BRD8: variants seen among roughly 807,000 people sequenced by gnomAD.
BRD8 encodes the protein bromodomain-containing protein 8.
In BRD8, 67 loss-of-function variants were observed where a neutral mutation model predicts 143.1. The observed-to-expected ratio is 0.47, with a 90% confidence interval of 0.38 to 0.57. BRD8 has a LOEUF of 0.57. Ranked by LOEUF, BRD8 falls within the 20% of genes least tolerant of loss-of-function variation. The pLI, the probability that BRD8 is intolerant of heterozygous loss-of-function variation, is 0.00. For synonymous variants in BRD8, 505 were observed against 517.1 expected (o/e 0.98, Z 0.32); for missense variants, 1,103 against 1,503.0 (o/e 0.73, Z 4.40).
intron 25 of BRD8, 78 bp from the exon 26 acceptor site, chr5:138,140,960 G>C: frequency 7.0e-7 from 1 of 1,438,052 alleles, no homozygotes. Context: ...TTCTCTTGAA[G>C]AACTAACCAG....
rs1561626116 is a variant in BRD8 at position 138,178,601 on chromosome 5, G to C, written c.14C>G (p.Thr5Arg). ...AAACCTGCTCAGATACTCACTGCCC[G>C]TTCCCGTCGCCATCTTGGCCCCGAA... MATG[T>R]GKHKLLSTGP... is the part of the protein sequence containing the mutation. The change falls in exon 1 of 27, where the codon ACG becomes AGG. Residue 5 changes from threonine to arginine, a missense_variant. Coordinates refer to ENST00000254900, the MANE Select transcript of BRD8 (RefSeq NM_139199.2). 1.9e-6 allele frequency: 3 copies of C among 1,613,754 alleles called. No individual in the cohort carries two copies. Among genetic ancestry groups the C allele is most frequent in the Non-Finnish European group, 2.5e-6 (3 of 1,179,710 alleles).
chr5:138,168,000 G>T lies in BRD8; in HGVS notation c.721C>A (p.Pro241Thr). 6.2e-7 allele frequency: 1 copy of T among 1,613,258 alleles called. No individual in the cohort carries two copies. Among genetic ancestry groups the T allele is most frequent in the Non-Finnish European group, 8.5e-7 (1 of 1,179,186 alleles). ...TGTATCTCCCCACCATGTATCATGG[G>T]AAGGACCCCGCCTACCTCCAGGAGG... ...GVLLEVGGVLPMIHGGEIQQT... is the reference protein window; with the variant it reads ...GVLLEVGGVLTMIHGGEIQQT... The change falls in exon 9 of 27, where the codon CCC (proline) becomes ACC (threonine). Residue 241 changes from proline to threonine, a missense_variant. Around this residue, in one of 7 missense-constraint regions of BRD8, gnomAD observed 334 missense variants for 372.5 expected, o/e 0.90. Transcript: ENST00000254900.
chr5:138,175,186 A>T (rs182017507), intron 2 of BRD8, among the ~76,000 whole-genome samples: 1 of 152,276 alleles, frequency 6.6e-6, no homozygotes. Flanking sequence ...GCCCGGCCTT[A>T]AACTTAAGTT....
intron 20 of BRD8, chr5:138,157,182 G>A (rs1189268761): frequency 1.2e-5 from 20 of 1,611,570 alleles, no homozygotes; most frequent in South Asian, 3.3e-5. Context: ...TTTTAGGTTC[G>A]GCTCAAAGAG....
intron 23 of BRD8, 122 bp downstream of exon 23, chr5:138,149,518 A>G: frequency 2.6e-6 from 2 of 782,094 alleles, no homozygotes; most frequent in Non-Finnish European, 3.8e-6. Context: ...TTAATTAATT[A>G]TATTTTTTGT....
In BRD8 at chr5:138,168,545, T is replaced by C. The variant is rs762420905; in HGVS notation, c.643-467A>G. Reference sequence around the variant, plus strand: ...GCAGAGGGGAGGGGGGTGGAGTTGCTTTCTGTCCAAGCATCTTTTTCTGGG... The same window carrying C: ...GCAGAGGGGAGGGGGGTGGAGTTGCCTTCTGTCCAAGCATCTTTTTCTGGG... On this transcript the variant is annotated intron_variant, in intron 8 of 26. Transcript: ENST00000254900. The C allele has an allele frequency of 1.9e-6, 3 of 1,610,378 alleles. No individual in the cohort carries two copies. The Admixed American group carries it at 5.1e-5, about 28-fold the overall frequency.
intron 17 of BRD8, chr5:138,161,350 T>G (rs933987411): frequency 1.6e-5 from 5 of 310,474 alleles, no homozygotes; most frequent in Non-Finnish European, 3.0e-5. Context: ...CATGGTTCAC[T>G]GCAGCCTCGA....
At chr5:138,176,196 T>A (rs1457476819) in intron 2 of BRD8, among the ~76,000 whole-genome samples, 4 of 151,870 alleles carry the variant, frequency 2.6e-5, no homozygotes. Flanking sequence ...AGAATGAACC[T>A]TAAAAAGTGT....
intron 17 of BRD8, chr5:138,161,353 A>G (rs777238257): frequency 2.4e-4 from 74 of 305,756 alleles, no homozygotes; most frequent in Non-Finnish European, 3.9e-4. Flanking sequence ...GGTTCACTGC[A>G]GCCTCGAACT....
intron 8 of BRD8, 144 bp downstream of exon 8, chr5:138,169,078 G>A: frequency 1.1e-6 from 1 of 893,214 alleles, no homozygotes; most frequent in Non-Finnish European, 1.6e-6. Context: ...TTATCTCAGA[G>A]CACAGAACAT....
intron 2 of BRD8, 75 bp from the exon 3 acceptor site, chr5:138,172,209 G>C: frequency 8.1e-7 from 1 of 1,233,732 alleles, no homozygotes; most frequent in Non-Finnish European, 1.2e-6. Context: ...TGCAAGGCTT[G>C]GAGTTCAAAC....
intron 13 of BRD8, 56 bp downstream of exon 13, chr5:138,164,264 A>G: frequency 6.3e-7 from 1 of 1,594,284 alleles, no homozygotes; most frequent in Non-Finnish European, 8.6e-7. Context: ...ACAACCCACA[A>G]CCCCTCAGAA....
At position 138,145,883 on chromosome 5, in the gene BRD8, G is replaced by A. The variant is rs1275500484; in HGVS notation, c.3279-5C>T. ...TCATCCTGGCTTAGATCAGTCCTATGAGGATAAAACATGAAGAAAAGAGAC... is the reference window on the plus strand; with the variant it reads ...TCATCCTGGCTTAGATCAGTCCTATAAGGATAAAACATGAAGAAAAGAGAC... On this transcript the variant is annotated splice_region_variant and splice_polypyrimidine_tract_variant and intron_variant, in intron 23 of 26. Coordinates refer to ENST00000254900, the MANE Select transcript of BRD8 (RefSeq NM_139199.2). 1.7e-5 allele frequency: 27 copies of A among 1,611,178 alleles called. No individual in the cohort carries two copies. The highest frequency in any genetic ancestry group is 4.0e-5 in the African/African-American group (3 of 74,826).
intron 25 of BRD8, among the ~76,000 whole-genome samples, chr5:138,143,636 C>G (rs10068221): frequency 1.3e-5 from 1 of 79,508 alleles, no homozygotes; most frequent in Non-Finnish European, 3.5e-5. Flanking sequence ...GGTTTGTAAA[C>G]ACACCAATCA....
intron 2 of BRD8, chr5:138,172,990 A>C (rs1754012875): frequency 5.7e-6 from 1 of 174,806 alleles, no homozygotes; most frequent in Non-Finnish European, 1.2e-5. Context: ...TGCTAACACT[A>C]GTAGACGGGG....
At chr5:138,149,907 T>G in intron 22 of BRD8, 110 bp from the exon 23 acceptor site, 1 of 964,174 alleles carries the variant, frequency 1.0e-6, no homozygotes, top group Non-Finnish European at 1.5e-6. Context: ...AGAGGTCAAT[T>G]ACATAAAGCT....
rs182864807 is a variant in BRD8 at position 138,174,069 on chromosome 5, A to G, written c.117-1935T>C. Among the ~76,000 whole-genome samples the G allele has an allele frequency of 3.7e-3, 559 of 152,082 alleles. 1 individual carries two copies. The highest frequency in any genetic ancestry group is 0.014 in the Middle Eastern group (4 of 294). On this transcript the variant is annotated intron_variant, in intron 2 of 26. Transcript: ENST00000254900. ...TGGTATTTCTTTATGTGTCTGGCTT[A>G]TTTCACTTTACATACTATCCTCCAG... is the stretch of plus-strand genomic sequence containing the variant.
intron 7 of BRD8, 99 bp downstream of exon 7, chr5:138,170,246 T>G: frequency 4.5e-6 from 4 of 890,580 alleles, no homozygotes; most frequent in Non-Finnish European, 7.4e-6. Flanking sequence ...TGCAAGTAAA[T>G]TTAAATCAAT....
At chr5:138,144,433 C>A (rs1178908856) in intron 25 of BRD8, among the ~76,000 whole-genome samples, 1 of 152,180 alleles carries the variant, frequency 6.6e-6, no homozygotes, top group Non-Finnish European at 1.5e-5. Context: ...AAGAACCCAC[C>A]GGAAGGAACC....
Sources: allele counts gnomAD v4.1 joint callset (sites outside exome capture counted in the v4.1 genomes callset), GRCh38; gene constraint gnomAD v4.1.1; regional missense constraint gnomAD v4.1.1; transcripts MANE v1.5; gene names NCBI Gene and HGNC (gene_info 2026-07-23, HGNC 2026-07-21).